Variants in SYNE1 observed in about 807,000 individuals in gnomAD.
SYNE1 encodes the protein spectrin repeat containing nuclear envelope protein 1.
A neutral mutation model predicts 1,111.0 loss-of-function variants in SYNE1; 616 were observed. The observed-to-expected ratio is 0.55, with a 90% CI of 0.52 to 0.59. The LOEUF (loss-of-function observed/expected upper bound fraction) is 0.59, where lower values mean the gene tolerates loss of function less well. SYNE1 is among the 20% of genes least tolerant of loss of function. SYNE1 has a pLI of 0.00. For synonymous variants in SYNE1, 3,855 were observed against 3,825.8 expected (o/e 1.01, Z -0.28); for missense variants, 10,006 against 10,417.0 (o/e 0.96, Z 1.72).
rs145709927 is a variant in SYNE1 at position 152,375,696 on chromosome 6, A to G, written c.9324+685T>C. On this transcript the variant is annotated intron_variant, in intron 58 of 145. Transcript: ENST00000367255. ...CTCACTGACGCTTTTACCCTATTGT[A>G]CACTGACAGTAACAAATTTACATAC... 2.8e-3 allele frequency among the ~76,000 whole-genome samples: 432 copies of G among 152,332 alleles called. 2 individuals carry two copies. The highest frequency in any genetic ancestry group is 9.1e-3 in the African/African-American group (380 of 41,576).
At chr6:152,425,270 G>A in intron 39 of SYNE1, 111 bp downstream of exon 39, 1 of 1,144,516 alleles carries the variant, frequency 8.7e-7, no homozygotes, top group East Asian at 2.4e-5. Flanking sequence ...GTAGTTATCA[G>A]GTGAGTAGTT....
chr6:152,423,148 C>T (rs1592377007), intron 39 of SYNE1, among the ~76,000 whole-genome samples: 1 of 152,176 alleles, frequency 6.6e-6, no homozygotes, highest in South Asian at 2.1e-4. Context: ...GAGGTTTCAT[C>T]TACATAACAA....
chr6:152,135,344 A>G lies in SYNE1; in HGVS notation c.25660-112T>C, dbSNP rs1324784047. The G allele has an allele frequency of 3.4e-6, 4 of 1,163,588 alleles. No individual in the cohort carries two copies. The African/African-American group carries it at 4.6e-5, about 13-fold the overall frequency. 72.1% of individuals were successfully genotyped at this position (1,163,588 alleles called of 1,614,324 possible). A position where few individuals can be genotyped will look rare whatever the true frequency, so the allele number is the denominator to read the frequency against. ...AACATACTTGGTTTTAAGAACATACATGCAACTCCTTTCTGAGGAAGGCAC... is the reference window on the plus strand; with the variant it reads ...AACATACTTGGTTTTAAGAACATACGTGCAACTCCTTTCTGAGGAAGGCAC... On this transcript the variant is annotated intron_variant, in intron 141 of 145. Transcript: ENST00000367255.
At chr6:152,378,901 T>C (rs1418069523) in intron 56 of SYNE1, among the ~76,000 whole-genome samples, 1 of 152,224 alleles carries the variant, frequency 6.6e-6, no homozygotes, top group Non-Finnish European at 1.5e-5. Flanking sequence ...GTTTGTCAAT[T>C]CTTTATTTAA....
chr6:152,268,074 T>G lies in SYNE1; in HGVS notation c.18797A>C (p.Glu6266Ala). The change falls in exon 100 of 146, where the codon GAG (glutamate) becomes GCG (alanine). Residue 6266 changes from glutamate to alanine, a missense_variant. By Grantham distance (107) the Glu-to-Ala change is moderately radical. Transcript: ENST00000367255. ...AACATACCCAGCATCACCAGAGGTC[T>G]CTGCCGCCGAATGTTGAATTAGAAT... The part of the protein sequence containing the change: ...EEILIQHSAA[E>A]TSGDAGEKPD... The G allele has an allele frequency of 6.2e-7, 1 of 1,613,946 alleles. No individual in the cohort carries two copies. Among genetic ancestry groups the G allele is most frequent in the Non-Finnish European group, 8.5e-7 (1 of 1,179,838 alleles).
At chr6:152,332,157 A>G (rs1320242587) in intron 77 of SYNE1, among the ~76,000 whole-genome samples, 1 of 152,138 alleles carries the variant, frequency 6.6e-6, no homozygotes, top group African/African-American at 2.4e-5. Context: ...TATTTTTAGT[A>G]GAGACAGGGT....
intron 115 of SYNE1, among the ~76,000 whole-genome samples, chr6:152,226,298 A>G (rs1435149046): frequency 3.0e-5 from 4 of 135,532 alleles, no homozygotes; most frequent in Admixed American, 8.2e-5. Context: ...AGTATCTGAG[A>G]TTTAGTCACA....
intron 3 of SYNE1, among the ~76,000 whole-genome samples, chr6:152,583,432 G>A (rs1439245421): frequency 2.6e-5 from 4 of 152,220 alleles, no homozygotes; most frequent in African/African-American, 9.6e-5. Context: ...CTTATTATGA[G>A]GATAAAAATA....
At chr6:152,570,413 T>C (rs1482977687) in intron 3 of SYNE1, among the ~76,000 whole-genome samples, 1 of 152,218 alleles carries the variant, frequency 6.6e-6, no homozygotes. Flanking sequence ...GTGAACAGGA[T>C]AGCCAGGGAA....
intron 4 of SYNE1, among the ~76,000 whole-genome samples, chr6:152,530,054 G>T (rs2099188579): frequency 6.6e-6 from 1 of 152,122 alleles, no homozygotes; most frequent in Non-Finnish European, 1.5e-5. Context: ...AAGGTCTCAG[G>T]CATAGAAAAC....
At chr6:152,527,978 T>C (rs936468407) in intron 4 of SYNE1, among the ~76,000 whole-genome samples, 2 of 152,142 alleles carry the variant, frequency 1.3e-5, no homozygotes, top group African/African-American at 4.8e-5. Flanking sequence ...CTCCTGGAAT[T>C]GGCCTTCCGA....
chr6:152,198,996 A>AAC (rs66569157), intron 127 of SYNE1, among the ~76,000 whole-genome samples: 1 of 130,580 alleles, frequency 7.7e-6, no homozygotes, highest in Non-Finnish European at 1.8e-5. Flanking sequence ...AAAAAAAAAA[A>AAC]AAAAACCAAA....
chr6:152,442,054 C>T (rs1439747972), intron 31 of SYNE1, 21 bp downstream of exon 31: 2 of 1,613,654 alleles, frequency 1.2e-6, no homozygotes, highest in South Asian at 1.1e-5. Flanking sequence ...GTTTAAATGG[C>T]CCCTAACTTC....
In SYNE1 at chr6:152,130,794, A is replaced by AG. The variant is rs1211786980; in HGVS notation, c.26095-17dup. 4 of 1,613,942 alleles carry AG rather than the reference A, an allele frequency of 2.5e-6. No homozygotes were observed. The African/African-American group carries it at 5.3e-5, about 22-fold the overall frequency. On this transcript the variant is annotated splice_polypyrimidine_tract_variant and intron_variant, in intron 144 of 145. Transcript: ENST00000367255. ...TGCCTCGTGGCTGTTTGCAATGAAC[A>AG]GGGGGTAAAGAAAGAAGAATGTTCA...
At chr6:152,389,589 A>G (rs779178728) in intron 53 of SYNE1, among the ~76,000 whole-genome samples, 7 of 152,192 alleles carry the variant, frequency 4.6e-5, no homozygotes, top group Non-Finnish European at 8.8e-5. Context: ...GGAGGTAGGG[A>G]GAAATCTCTC....
At position 152,269,135 on chromosome 6, in the gene SYNE1, A is replaced by AGAG. The variant is rs2092988375; in HGVS notation, c.18705+17_18705+19dup. 6.2e-7 allele frequency: 1 copy of AGAG among 1,614,064 alleles called. No individual in the cohort carries two copies. Among genetic ancestry groups the AGAG allele is most frequent in the African/African-American group, 1.3e-5 (1 of 74,926 alleles). On this transcript the variant is annotated intron_variant, in intron 99 of 145. Transcript: ENST00000367255. Reference sequence around the variant, plus strand: ...CTCTGGGCAGATCTGCAAGCTAGAGAGAGGTAGGAAACACTTTACTTTTTG... The same window carrying AGAG: ...CTCTGGGCAGATCTGCAAGCTAGAGAGAGGAGGTAGGAAACACTTTACTTTTTG...
intron 104 of SYNE1, 65 bp from the exon 105 acceptor site, chr6:152,249,327 T>A (rs2088410008): frequency 1.1e-6 from 1 of 902,584 alleles, no homozygotes; most frequent in African/African-American, 1.6e-5. Context: ...CTTGTAAATA[T>A]AACACAGATT....
At chr6:152,595,546 T>C (rs961711) in intron 3 of SYNE1, among the ~76,000 whole-genome samples, 3,323 of 152,306 alleles carry the variant, frequency 0.022, 128 homozygotes, top group African/African-American at 0.076. Flanking sequence ...AAATAGTAGG[T>C]GAATGAATAA....
intron 50 of SYNE1, among the ~76,000 whole-genome samples, 166 bp from the exon 51 acceptor site, chr6:152,395,837 T>A (rs1233856814): frequency 6.6e-6 from 1 of 152,190 alleles, no homozygotes; most frequent in Non-Finnish European, 1.5e-5. Flanking sequence ...AAATTATCAC[T>A]TATTTTAATA....
Sources: gnomAD v4.1 joint callset for allele counts (sites outside exome capture counted in the v4.1 genomes callset) on GRCh38, gnomAD v4.1.1 for gene constraint, MANE v1.5 for transcripts, NCBI Gene and HGNC (gene_info 2026-07-23, HGNC 2026-07-21) for gene names.